Variants in C3orf22 observed in about 807,000 individuals in gnomAD.
C3orf22 encodes the protein uncharacterized protein C3orf22.
A neutral mutation model predicts 10.8 loss-of-function variants in C3orf22; 7 were observed. The ratio of observed to expected loss-of-function variants is 0.65; its 90% CI spans 0.37 to 1.22. The LOEUF (loss-of-function observed/expected upper bound fraction) is 1.22, where lower values mean the gene tolerates loss of function less well. C3orf22 is among the 50% of genes most tolerant of loss of function. The pLI, the probability that C3orf22 is intolerant of heterozygous loss-of-function variation, is 0.02. For synonymous variants in C3orf22, 79 were observed against 78.9 expected, an observed-to-expected ratio of 1.00 and a Z score of 0.00; for missense variants, 173 against 177.0, an observed-to-expected ratio of 0.98 and a Z score of 0.13.
At position 126,558,888 on chromosome 3, in the gene C3orf22, A is replaced by G. The variant is rs1937417895; in HGVS notation, c.-302T>C. On this transcript the variant is annotated 5_prime_UTR_variant, in exon 1 of 4. Transcript: ENST00000318225. ...GAAGCTGGCCATGGTCCCAGCTGCC[A>G]CATTACCACAGGAACAGCAGCCCCA... 6.6e-6 allele frequency: 1 copy of G among 152,300 alleles called. No individual in the cohort carries two copies. 9.4% of individuals were successfully genotyped at this position (152,300 alleles called of 1,614,324 possible).
At chr3:126,553,468 G>C (rs974984467) in intron 1 of C3orf22, 38 bp from the exon 2 acceptor site, 1 of 1,283,462 alleles carries the variant, frequency 7.8e-7, no homozygotes, top group Admixed American at 1.7e-5. Context: ...GGGCAGGGGT[G>C]GTGGGGGGCA....
intron 1 of C3orf22, among the ~76,000 whole-genome samples, chr3:126,555,550 C>T (rs971543892): frequency 3.3e-5 from 5 of 152,242 alleles, no homozygotes; most frequent in Middle Eastern, 6.8e-3. Flanking sequence ...GAGCGCAGGC[C>T]CCATTATGAA....
At chr3:126,546,670 G>A (rs749958705), downstream of C3orf22, among the ~76,000 whole-genome samples, 116 of 152,258 alleles carry the variant, frequency 7.6e-4, no homozygotes, top group Non-Finnish European at 1.4e-3. Context: ...CACCTTGGAC[G>A]TCCAGCCTTC....
chr3:126,529,831 G>T (rs540108181), intron 4 of C3orf22, among the ~76,000 whole-genome samples: 2 of 152,078 alleles, frequency 1.3e-5, no homozygotes, highest in African/African-American at 4.8e-5. Flanking sequence ...CTTTTTCTAA[G>T]CAGTCACCGC....
At chr3:126,541,347 T>C (rs1475523338) in intron 4 of C3orf22, among the ~76,000 whole-genome samples, 1 of 152,180 alleles carries the variant, frequency 6.6e-6, no homozygotes, top group Non-Finnish European at 1.5e-5. Context: ...CAATTGGGTG[T>C]GGAATTAAAC....
chr3:126,541,240 T>A (rs1256778017), intron 4 of C3orf22, among the ~76,000 whole-genome samples: 1 of 151,882 alleles, frequency 6.6e-6, no homozygotes. Context: ...ATAAAAGGAG[T>A]GAAGGTGCAA....
intron 1 of C3orf22, among the ~76,000 whole-genome samples, chr3:126,554,286 CGA>C (rs1937274885): frequency 7.8e-6 from 1 of 128,538 alleles, no homozygotes; most frequent in Admixed American, 8.6e-5. Flanking sequence ...TTTTTTGAGA[CGA>C]AGTCTCGCTC....
chr3:126,549,800 G>T lies in C3orf22; in HGVS notation c.*68C>A, dbSNP rs1937138135. On this transcript the variant is annotated 3_prime_UTR_variant, in exon 4 of 4. Transcript: ENST00000318225. ...GGCTGATCCCTTTACTAAAGTCTCT[G>T]TGGCTACTGCCCAGAGCCTGCCAAG... 6.5e-7 allele frequency: 1 copy of T among 1,543,856 alleles called. No homozygotes were observed. The highest frequency in any genetic ancestry group is 1.4e-5 in the African/African-American group (1 of 73,116).
At chr3:126,532,331 T>C (rs1473723204) in intron 4 of C3orf22, among the ~76,000 whole-genome samples, 1 of 152,264 alleles carries the variant, frequency 6.6e-6, no homozygotes, top group African/African-American at 2.4e-5. Flanking sequence ...TCATATCTAA[T>C]ACATCATCAC....
chr3:126,549,285 T>A (rs1937127402), downstream of C3orf22, among the ~76,000 whole-genome samples: 1 of 150,042 alleles, frequency 6.7e-6, no homozygotes, highest in Non-Finnish European at 1.5e-5. Flanking sequence ...ACACACACCG[T>A]TTTTAGTAAA....
At chr3:126,544,926 G>A (rs555771053), downstream of C3orf22, among the ~76,000 whole-genome samples, 25 of 152,364 alleles carry the variant, frequency 1.6e-4, no homozygotes, top group East Asian at 9.7e-4. Context: ...CCAGGCCCTC[G>A]AGGACTGAGG....
intron 4 of C3orf22, among the ~76,000 whole-genome samples, chr3:126,533,186 G>A (rs977547500): frequency 6.6e-6 from 1 of 152,084 alleles, no homozygotes; most frequent in African/African-American, 2.4e-5. Flanking sequence ...AATAGACAAA[G>A]TTTTACTTAT....
chr3:126,527,916 T>C (rs1055820586), intron 5 of C3orf22: 3 of 152,078 alleles, frequency 2.0e-5, no homozygotes, highest in Non-Finnish European at 4.4e-5. Flanking sequence ...GGAAGTTACT[T>C]GCTCAAGTCA....
At chr3:126,556,850 CCACA>C (rs1314641371) in intron 1 of C3orf22, among the ~76,000 whole-genome samples, 1 of 149,712 alleles carries the variant, frequency 6.7e-6, no homozygotes, top group East Asian at 2.0e-4. Flanking sequence ...CAGACACCCC[CCACA>C]CACAGACTCA....
downstream of C3orf22, among the ~76,000 whole-genome samples, chr3:126,548,030 T>C (rs1421095774): frequency 1.3e-5 from 2 of 152,256 alleles, no homozygotes; most frequent in East Asian, 3.9e-4. Context: ...AAGCAAACAA[T>C]GTGTTATTTC....
intron 1 of C3orf22, among the ~76,000 whole-genome samples, chr3:126,554,258 T>C: frequency 1.7e-5 from 1 of 58,662 alleles, no homozygotes; most frequent in East Asian, 8.1e-4. Flanking sequence ...TTTGTTTTTC[T>C]GTTGTTTTTT....
chr3:126,541,650 C>G, intron 4 of C3orf22: 1 of 1,270,560 alleles, frequency 7.9e-7, no homozygotes. Context: ...AATTCCCGGG[C>G]GCATCCCGCC....
At chr3:126,552,995 T>C (rs1233192989) in intron 2 of C3orf22, among the ~76,000 whole-genome samples, 1 of 152,220 alleles carries the variant, frequency 6.6e-6, no homozygotes, top group African/African-American at 2.4e-5. Flanking sequence ...GCACACCAAT[T>C]CCAACACAGC....
At chr3:126,531,019 T>G (rs996015184) in intron 4 of C3orf22, among the ~76,000 whole-genome samples, 3 of 152,266 alleles carry the variant, frequency 2.0e-5, no homozygotes, top group African/African-American at 7.2e-5. Context: ...GCTTTAGGGT[T>G]CTGGAGGCCA....
Sources: allele counts gnomAD v4.1 joint callset (sites outside exome capture counted in the v4.1 genomes callset), GRCh38; gene constraint gnomAD v4.1.1; transcripts MANE v1.5; gene names NCBI Gene and HGNC (gene_info 2026-07-23, HGNC 2026-07-21).